The following PDLIM5 variants were observed in gnomAD, a reference collection of about 807,000 sequenced individuals.
PDLIM5 encodes PDZ and LIM domain protein 5.
PDLIM5 carries 34 observed loss-of-function variants against 64.2 expected under a neutral mutation model. That is an observed-to-expected ratio of 0.53 (90% confidence interval 0.40 to 0.71). The LOEUF (loss-of-function observed/expected upper bound fraction) is 0.71, where lower values mean the gene tolerates loss of function less well. PDLIM5 is among the 30% of genes least tolerant of loss of function. PDLIM5 has a pLI of 0.00. For synonymous variants in PDLIM5, 253 were observed against 269.1 expected, an observed-to-expected ratio of 0.94 and a Z score of 0.59; for missense variants, 683 against 733.6, an observed-to-expected ratio of 0.93 and a Z score of 0.80.
chr4:94,491,605 T>G (rs938152922), intron 2 of PDLIM5, among the ~76,000 whole-genome samples: 4 of 152,074 alleles, frequency 2.6e-5, no homozygotes, highest in Non-Finnish European at 5.9e-5. Context: ...TGTGTTGATT[T>G]TTTTTTACAG....
chr4:94,522,450 A>C (rs1406047993), intron 2 of PDLIM5, among the ~76,000 whole-genome samples: 1 of 152,070 alleles, frequency 6.6e-6, no homozygotes, highest in Non-Finnish European at 1.5e-5. Flanking sequence ...ATCTCAGCTC[A>C]CTGCAACCTC....
chr4:94,502,164 T>G (rs1449780409), intron 2 of PDLIM5, among the ~76,000 whole-genome samples: 3 of 152,152 alleles, frequency 2.0e-5, no homozygotes, highest in Non-Finnish European at 4.4e-5. Context: ...GAAGCTTGTG[T>G]GATGTTTGGA....
intron 2 of PDLIM5, among the ~76,000 whole-genome samples, chr4:94,479,970 G>A (rs1725710115): frequency 6.6e-6 from 1 of 152,188 alleles, no homozygotes; most frequent in Non-Finnish European, 1.5e-5. Flanking sequence ...ATCACTAGGG[G>A]AAGGAGAGAG....
chr4:94,664,633 G>GCCTC lies in PDLIM5; in HGVS notation c.*568_*569insTCCC. 2.9e-6 allele frequency: 1 copy of GCCTC among 345,470 alleles called. No individual in the cohort carries two copies. Among genetic ancestry groups the GCCTC allele is most frequent in the Non-Finnish European group, 4.1e-6 (1 of 245,128 alleles). The allele number at this position is 345,470 out of a possible 1,614,324, so 21.4% of individuals were successfully genotyped here. ...GCCTGTAATCCCAGCACTTTGGGAGGCCAAGGTGGGTGGACCACATGAGGT... is the reference window on the plus strand; with the variant it reads ...GCCTGTAATCCCAGCACTTTGGGAGGCCTCCCAAGGTGGGTGGACCACATGAGGT... On this transcript the variant is annotated 3_prime_UTR_variant, in exon 13 of 13. Transcript: ENST00000317968.
chr4:94,521,849 A>G (rs1193518923), intron 2 of PDLIM5, among the ~76,000 whole-genome samples: 1 of 151,988 alleles, frequency 6.6e-6, no homozygotes, highest in Non-Finnish European at 1.5e-5. Flanking sequence ...TTTCTAGTTA[A>G]TTTTTTGTTT....
At chr4:94,610,108 CT>C in intron 7 of PDLIM5, 2 of 1,051,546 alleles carry the variant, frequency 1.9e-6, no homozygotes, top group Non-Finnish European at 1.4e-6. Context: ...TTATGCTACC[CT>C]TTCTCACTTT....
intron 9 of PDLIM5, among the ~76,000 whole-genome samples, chr4:94,653,497 G>A (rs1741992325): frequency 3.3e-5 from 5 of 152,074 alleles, no homozygotes; most frequent in Admixed American, 2.6e-4. Flanking sequence ...TTCCTGCCAA[G>A]CAAACCAAGC....
intron 8 of PDLIM5, among the ~76,000 whole-genome samples, chr4:94,620,129 A>T (rs1472380381): frequency 6.6e-6 from 1 of 152,174 alleles, no homozygotes; most frequent in Non-Finnish European, 1.5e-5. Context: ...GACATGGCAT[A>T]CTACCATGCT....
At chr4:94,533,103 T>A (rs1045225154) in intron 3 of PDLIM5, among the ~76,000 whole-genome samples, 6 of 152,118 alleles carry the variant, frequency 3.9e-5, no homozygotes, top group African/African-American at 1.2e-4. Flanking sequence ...ACATAGAAAA[T>A]AAGTATTTAT....
chr4:94,617,155 C>T (rs190571309), intron 7 of PDLIM5, among the ~76,000 whole-genome samples: 295 of 152,242 alleles, frequency 1.9e-3, no homozygotes, highest in African/African-American at 6.7e-3. Context: ...AGTATTATAT[C>T]ATACCAAAGC....
chr4:94,628,250 T>C lies in PDLIM5; in HGVS notation c.1108+10059T>C, dbSNP rs146988731. ...CTAGGAGCCTATGTATCTTGAAATT[T>C]AGTTTTTATGCTAGATGTGCTGCTT... On this transcript the variant is annotated intron_variant, in intron 8 of 12. Coordinates refer to ENST00000317968, the MANE Select transcript of PDLIM5 (RefSeq NM_006457.5). Among the ~76,000 whole-genome samples the C allele has an allele frequency of 8.0e-3, 1,215 of 152,314 alleles. 11 individuals carry two copies. Among genetic ancestry groups the C allele is most frequent in the African/African-American group, 0.028 (1,164 of 41,566 alleles).
chr4:94,548,724 C>T (rs1236999382), intron 3 of PDLIM5, among the ~76,000 whole-genome samples: 6 of 152,148 alleles, frequency 3.9e-5, no homozygotes, highest in Non-Finnish European at 7.4e-5. Context: ...TTCTTTAGGG[C>T]ACACCCACTT....
intron 6 of PDLIM5, 31 bp from the exon 7 acceptor site, chr4:94,586,377 C>G: frequency 8.0e-7 from 1 of 1,245,276 alleles, no homozygotes. Flanking sequence ...ACAAAACAAA[C>G]TAATATTGGA....
intron 3 of PDLIM5, among the ~76,000 whole-genome samples, chr4:94,557,245 G>A (rs1733422485): frequency 6.6e-6 from 1 of 152,096 alleles, no homozygotes. Flanking sequence ...TGAGGGCTCT[G>A]TTCTGTTCCA....
chr4:94,657,773 C>A (rs1742324308), intron 11 of PDLIM5, among the ~76,000 whole-genome samples: 2 of 152,128 alleles, frequency 1.3e-5, no homozygotes, highest in South Asian at 4.1e-4. Context: ...ATGGCCCAAT[C>A]TCGGCTCACT....
chr4:94,608,245 T>A, intron 7 of PDLIM5: 4 of 1,066,128 alleles, frequency 3.8e-6, no homozygotes, highest in Non-Finnish European at 5.3e-6. Flanking sequence ...TACTAAACTG[T>A]TTGAAAAAGA....
intron 2 of PDLIM5, among the ~76,000 whole-genome samples, chr4:94,476,561 C>T (rs141125861): frequency 1.6e-3 from 245 of 152,298 alleles, no homozygotes; most frequent in Middle Eastern, 3.4e-3. Flanking sequence ...AGACACGTTT[C>T]TGACATTCTT....
rs1742949975 is a variant in PDLIM5 at position 94,664,129 on chromosome 4, A to G, written c.*62A>G. Reference sequence around the variant, plus strand: ...AGAAAAAGGAAAATTAAAATTACTAATTAATTTTTAGATTCAATATTTATA... The same window carrying G: ...AGAAAAAGGAAAATTAAAATTACTAGTTAATTTTTAGATTCAATATTTATA... On this transcript the variant is annotated 3_prime_UTR_variant, in exon 13 of 13. Transcript: ENST00000317968. The G allele has an allele frequency of 1.5e-6, 2 of 1,369,946 alleles. No individual in the cohort carries two copies. 84.9% of individuals were successfully genotyped at this position (1,369,946 alleles called of 1,614,324 possible). A position where few individuals can be genotyped will look rare whatever the true frequency, so the allele number is the denominator to read the frequency against.
At chr4:94,526,110 A>G (rs891693675) in intron 3 of PDLIM5, among the ~76,000 whole-genome samples, 1 of 152,204 alleles carries the variant, frequency 6.6e-6, no homozygotes, top group Non-Finnish European at 1.5e-5. Context: ...ATTTAAGGGT[A>G]TGAGCTCTTT....
Sources: allele counts gnomAD v4.1 joint callset (sites outside exome capture counted in the v4.1 genomes callset), GRCh38; gene constraint gnomAD v4.1.1; transcripts MANE v1.5; gene names NCBI Gene and HGNC (gene_info 2026-07-23, HGNC 2026-07-21).